Variants in ZNF804A observed in about 807,000 individuals in gnomAD.
ZNF804A encodes zinc finger protein 804A.
In ZNF804A, 2 loss-of-function variants were observed where a neutral mutation model predicts 16.5. That is an observed-to-expected ratio of 0.12 (90% CI 0.05 to 0.38). The LOEUF (loss-of-function observed/expected upper bound fraction) is 0.38. Ranked by LOEUF, ZNF804A falls within the 10% of genes least tolerant of loss-of-function variation. The probability of loss-of-function intolerance (pLI) is 0.99; values close to 1 mark genes in which losing one functional copy is unlikely to be tolerated. For synonymous variants in ZNF804A, 534 were observed against 489.6 expected (o/e 1.09, Z -1.20); for missense variants, 1,473 against 1,390.7 (o/e 1.06, Z -0.94).
At position 184,937,169 on chromosome 2, in the gene ZNF804A, T is replaced by C. The variant is rs1348409939; in HGVS notation, c.1773T>C (p.His591=). 1 of 1,601,012 alleles carries C rather than the reference T, an allele frequency of 6.2e-7. No individual in the cohort carries two copies. Among genetic ancestry groups the C allele is most frequent in the African/African-American group, 1.4e-5 (1 of 73,650 alleles). ...RLKETHEYWF[H]KSRRKKKRKK... Reference sequence around the variant, plus strand: ...AAGAGACCCATGAATACTGGTTCCATAAAAGTAGAAGAAAGAAAAAAAGAA... The same window carrying C: ...AAGAGACCCATGAATACTGGTTCCACAAAAGTAGAAGAAAGAAAAAAAGAA... Residue 591 remains histidine, a synonymous_variant, in exon 4 of 4, where the codon CAT becomes CAC. Transcript: ENST00000302277.
intron 1 of ZNF804A, among the ~76,000 whole-genome samples, chr2:184,670,244 A>G (rs950153342): frequency 6.6e-6 from 1 of 151,930 alleles, no homozygotes; most frequent in African/African-American, 2.4e-5. Flanking sequence ...AGCCCAATGT[A>G]TTTAATTGTT....
Position 184,936,159 on chromosome 2 carries a change from A to T in ZNF804A, c.763A>T (p.Ser255Cys), listed in dbSNP as rs1427427212. The change falls in exon 4 of 4, where the codon AGT becomes TGT. Residue 255 changes from serine to cysteine, a missense_variant. Ser to Cys is a moderately radical substitution (Grantham distance 112). Transcript: ENST00000302277. ...TAGCAGAAAAAGTAGATTTGTCCCC[A>T]GTGCTTGTCATCTTCAACAATCTTC... ...GFSRKSRFVP[S>C]ACHLQQSSPT... 1 of 1,614,068 alleles carries T rather than the reference A, an allele frequency of 6.2e-7. No homozygotes were observed. The highest frequency in any genetic ancestry group is 1.7e-5 in the Admixed American group (1 of 60,002).
At chr2:184,653,689 G>A (rs930655946) in intron 1 of ZNF804A, among the ~76,000 whole-genome samples, 2 of 152,194 alleles carry the variant, frequency 1.3e-5, no homozygotes, top group African/African-American at 2.4e-5. Context: ...TGGCCTGTGA[G>A]CACTTGGGAG....
rs1693912049 is a variant in ZNF804A, at chr2:184,753,739, C to CA, written c.112-112623dup. On this transcript the variant is annotated intron_variant, in intron 1 of 3. Coordinates refer to ENST00000302277, the MANE Select transcript of ZNF804A (RefSeq NM_194250.2). ...CTCCAACCTTGTGTTGACAGACACTCAAAAAAATCAGAAGATTTCTAAAGG... is the reference window on the plus strand; with the variant it reads ...CTCCAACCTTGTGTTGACAGACACTCAAAAAAAATCAGAAGATTTCTAAAGG... Among the ~76,000 whole-genome samples the CA allele has an allele frequency of 2.6e-5, 4 of 151,700 alleles. No individual in the cohort carries two copies. In the South Asian group the frequency reaches 8.3e-4, roughly 31 times the overall value.
intron 1 of ZNF804A, among the ~76,000 whole-genome samples, chr2:184,647,974 G>C (rs781521650): frequency 2.3e-4 from 35 of 152,048 alleles, no homozygotes; most frequent in Non-Finnish European, 4.9e-4. Flanking sequence ...AAATGTTAAA[G>C]ACAGCTAGAT....
chr2:184,784,607 T>G (rs1337317311), intron 1 of ZNF804A, among the ~76,000 whole-genome samples: 3 of 151,932 alleles, frequency 2.0e-5, no homozygotes, highest in Non-Finnish European at 4.4e-5. Context: ...TTATTTTAAG[T>G]TTGCAATTGG....
intron 1 of ZNF804A, among the ~76,000 whole-genome samples, chr2:184,603,232 C>T (rs1352591633): frequency 2.4e-4 from 36 of 152,158 alleles, no homozygotes; most frequent in Non-Finnish European, 1.8e-4. Context: ...ACCACAGGCT[C>T]TGTATTAGGC....
At position 184,791,317 on chromosome 2, in the gene ZNF804A, T is replaced by A. The variant is rs374970810; in HGVS notation, c.112-75052T>A. Among the ~76,000 whole-genome samples the A allele has an allele frequency of 4.6e-5, 7 of 152,278 alleles. No individual in the cohort carries two copies. The South Asian group carries it at 1.2e-3, about 27-fold the overall frequency. The stretch of plus-strand genomic sequence containing the variant: ...TGATGGTGACTATCAGCCTTTCATT[T>A]CCGTATTTGAAAATCCTTTGATTGT... On this transcript the variant is annotated intron_variant, in intron 1 of 3. Coordinates refer to ENST00000302277, the MANE Select transcript of ZNF804A (RefSeq NM_194250.2).
chr2:184,749,662 C>T (rs1340296308), intron 1 of ZNF804A, among the ~76,000 whole-genome samples: 1 of 151,178 alleles, frequency 6.6e-6, no homozygotes, highest in African/African-American at 2.4e-5. Context: ...AAGTAGCTCA[C>T]AATTGTAATG....
chr2:184,713,801 G>A (rs1424157451), intron 1 of ZNF804A, among the ~76,000 whole-genome samples: 4 of 151,928 alleles, frequency 2.6e-5, no homozygotes, highest in African/African-American at 9.7e-5. Flanking sequence ...GTATTAAAAT[G>A]CATACTGAGT....
At chr2:184,875,239 T>C (rs1285686315) in intron 2 of ZNF804A, among the ~76,000 whole-genome samples, 2 of 152,206 alleles carry the variant, frequency 1.3e-5, no homozygotes, top group African/African-American at 4.8e-5. Flanking sequence ...TTTTTGCCCT[T>C]GGAATCTCAT....
chr2:184,844,842 T>C (rs1362303843), intron 1 of ZNF804A, among the ~76,000 whole-genome samples: 3 of 152,000 alleles, frequency 2.0e-5, no homozygotes, highest in Non-Finnish European at 4.4e-5. Context: ...TTTGATATTC[T>C]AAATATACAT....
At chr2:184,933,180 G>T (rs192155323) in intron 2 of ZNF804A, among the ~76,000 whole-genome samples, 2 of 151,414 alleles carry the variant, frequency 1.3e-5, no homozygotes, top group Admixed American at 6.6e-5. Flanking sequence ...CAAAGGACCA[G>T]ATAACTTTCT....
chr2:184,739,876 G>T (rs1345294272), intron 1 of ZNF804A, among the ~76,000 whole-genome samples: 1 of 152,102 alleles, frequency 6.6e-6, no homozygotes, highest in Non-Finnish European at 1.5e-5. Context: ...ATTGAAAACT[G>T]ACTATGATTA....
chr2:184,798,321 C>T (rs1694670575), intron 1 of ZNF804A, among the ~76,000 whole-genome samples: 2 of 151,744 alleles, frequency 1.3e-5, no homozygotes, highest in African/African-American at 2.4e-5. Context: ...TCGATTATTC[C>T]CCCAAATATA....
intron 1 of ZNF804A, among the ~76,000 whole-genome samples, chr2:184,657,399 T>C (rs532830082): frequency 2.0e-4 from 31 of 152,326 alleles, no homozygotes; most frequent in Middle Eastern, 3.4e-3. Context: ...GCCTATGAGA[T>C]TGAATTCTAA....
intron 1 of ZNF804A, among the ~76,000 whole-genome samples, chr2:184,735,386 G>T (rs2105749730): frequency 1.3e-5 from 2 of 152,142 alleles, no homozygotes; most frequent in South Asian, 4.2e-4. Context: ...AGTGGGAGTT[G>T]AACAATGAGA....
intron 1 of ZNF804A, among the ~76,000 whole-genome samples, chr2:184,612,453 G>A (rs191554906): frequency 2.3e-4 from 34 of 150,220 alleles, no homozygotes; most frequent in African/African-American, 7.6e-4. Flanking sequence ...TTTTTTTGGG[G>A]GGGGGACGGA....
intron 1 of ZNF804A, among the ~76,000 whole-genome samples, chr2:184,752,841 A>G (rs1014857846): frequency 3.3e-5 from 5 of 151,696 alleles, no homozygotes; most frequent in African/African-American, 1.2e-4. Flanking sequence ...ATACAAAGAA[A>G]TGATCAACGG....
Sources: allele counts gnomAD v4.1 joint callset (sites outside exome capture counted in the v4.1 genomes callset), GRCh38; gene constraint gnomAD v4.1.1; transcripts MANE v1.5; gene names NCBI Gene and HGNC (gene_info 2026-07-23, HGNC 2026-07-21).